Variants in LHFPL6 observed in about 807,000 individuals in gnomAD.
The protein encoded by LHFPL6 is LHFPL tetraspan subfamily member 6 protein.
In LHFPL6, 9 loss-of-function variants were observed where a neutral mutation model predicts 20.6. The observed-to-expected ratio is 0.44, with a 90% CI of 0.26 to 0.76. The LOEUF is 0.76. LHFPL6 is among the 30% of genes least tolerant of loss of function. The probability of loss-of-function intolerance (pLI) is 0.20; values close to 1 mark genes in which losing one functional copy is unlikely to be tolerated. For synonymous variants in LHFPL6, 105 were observed against 98.7 expected, an observed-to-expected ratio of 1.06 and a Z score of -0.38; for missense variants, 218 against 253.5, an observed-to-expected ratio of 0.86 and a Z score of 0.95.
At chr13:39,407,493 G>T (rs1385416882) in intron 2 of LHFPL6, among the ~76,000 whole-genome samples, 1 of 152,138 alleles carries the variant, frequency 6.6e-6, no homozygotes, top group Non-Finnish European at 1.5e-5. Context: ...TGCCAAATGG[G>T]ACATGGGCCA....
At chr13:39,397,379 T>C (rs1870870132) in intron 2 of LHFPL6, among the ~76,000 whole-genome samples, 1 of 152,180 alleles carries the variant, frequency 6.6e-6, no homozygotes, top group Non-Finnish European at 1.5e-5. Flanking sequence ...TCCAGGATCC[T>C]CACTGCTATA....
At chr13:39,374,071 A>AC (rs1411229453) in intron 3 of LHFPL6, among the ~76,000 whole-genome samples, 1 of 152,116 alleles carries the variant, frequency 6.6e-6, no homozygotes, top group Non-Finnish European at 1.5e-5. Context: ...AGATTCATGT[A>AC]CCCCACATGT....
intron 2 of LHFPL6, among the ~76,000 whole-genome samples, chr13:39,441,618 T>G (rs1872136397): frequency 6.6e-6 from 1 of 151,870 alleles, no homozygotes; most frequent in East Asian, 1.9e-4. Flanking sequence ...GCTCAAGTGA[T>G]CCTCCCACCT....
chr13:39,409,369 G>T (rs551304287), intron 2 of LHFPL6, among the ~76,000 whole-genome samples: 1 of 152,010 alleles, frequency 6.6e-6, no homozygotes, highest in Non-Finnish European at 1.5e-5. Context: ...CAGGAGAATC[G>T]CTTGAACCTG....
intron 2 of LHFPL6, among the ~76,000 whole-genome samples, chr13:39,578,767 G>T (rs1872193280): frequency 6.6e-6 from 1 of 152,158 alleles, no homozygotes; most frequent in African/African-American, 2.4e-5. Context: ...GTGGTAGATG[G>T]TGCTCTCCCA....
chr13:39,539,436 A>G (rs1049443196), intron 2 of LHFPL6, among the ~76,000 whole-genome samples: 2 of 152,246 alleles, frequency 1.3e-5, no homozygotes, highest in Non-Finnish European at 1.5e-5. Flanking sequence ...GGAGCTGATT[A>G]GTACTTGAAC....
At chr13:39,513,541 G>A (rs1424842861) in intron 2 of LHFPL6, among the ~76,000 whole-genome samples, 1 of 152,178 alleles carries the variant, frequency 6.6e-6, no homozygotes, top group African/African-American at 2.4e-5. Flanking sequence ...ACATGTTCTA[G>A]AGGGTGCTTA....
intron 2 of LHFPL6, among the ~76,000 whole-genome samples, chr13:39,589,266 C>G (rs919894953): frequency 1.3e-5 from 2 of 152,086 alleles, no homozygotes; most frequent in African/African-American, 4.8e-5. Context: ...GCCACCACAC[C>G]TGGCTAATTT....
chr13:39,352,968 C>A, intron 3 of LHFPL6, among the ~76,000 whole-genome samples: 1 of 85,936 alleles, frequency 1.2e-5, no homozygotes, highest in Non-Finnish European at 2.0e-5. Context: ...CATACACACA[C>A]ACACATATAT....
intron 2 of LHFPL6, among the ~76,000 whole-genome samples, chr13:39,496,245 C>G (rs571887077): frequency 1.3e-5 from 2 of 152,154 alleles, no homozygotes; most frequent in East Asian, 3.9e-4. Flanking sequence ...GTGGTGAGAG[C>G]CTGTCTTCTT....
At chr13:39,480,382 T>C (rs1198921738) in intron 2 of LHFPL6, among the ~76,000 whole-genome samples, 1 of 152,218 alleles carries the variant, frequency 6.6e-6, no homozygotes, top group Non-Finnish European at 1.5e-5. Flanking sequence ...ATATGTATAG[T>C]TCATAGAGAG....
At chr13:39,566,698 A>C (rs964173755) in intron 2 of LHFPL6, among the ~76,000 whole-genome samples, 1 of 140,436 alleles carries the variant, frequency 7.1e-6, no homozygotes, top group Non-Finnish European at 1.5e-5. Flanking sequence ...GCACTACTGC[A>C]TTCCAACCTG....
intron 2 of LHFPL6, among the ~76,000 whole-genome samples, chr13:39,589,851 CCTCT>C (rs1451279333): frequency 2.0e-5 from 3 of 152,118 alleles, no homozygotes; most frequent in Admixed American, 6.5e-5. Flanking sequence ...CCCCAAATGG[CCTCT>C]CTATTACATA....
At chr13:39,479,088 C>CAGA (rs1323457663) in intron 2 of LHFPL6, among the ~76,000 whole-genome samples, 4 of 144,034 alleles carry the variant, frequency 2.8e-5, no homozygotes, top group Non-Finnish European at 6.2e-5. Flanking sequence ...GATAGACAGA[C>CAGA]ATAGGTTGAT....
At chr13:39,468,636 A>T (rs1377450528) in intron 2 of LHFPL6, among the ~76,000 whole-genome samples, 1 of 152,202 alleles carries the variant, frequency 6.6e-6, no homozygotes, top group African/African-American at 2.4e-5. Flanking sequence ...ATCCATCAGG[A>T]TTATTCATAT....
rs1566095627 is a variant in LHFPL6, at chr13:39,369,584, T to TTCCCTCCCTCCC, written c.484+8843_484+8844insGGGAGGGAGGGA. ...ATAGTAGGTTTCCTTCCTTCCTTCC[T>TTCCCTCCCTCCC]TCCTTCCTTCCTTCCTCCCTCTCTC... On this transcript the variant is annotated intron_variant, in intron 3 of 3. Transcript: ENST00000379589. Among the ~76,000 whole-genome samples, 33 of 145,604 alleles carry TTCCCTCCCTCCC rather than the reference T, an allele frequency of 2.3e-4. No individual in the cohort carries two copies. The South Asian group carries it at 6.6e-3, about 29-fold the overall frequency.
chr13:39,433,355 G>C (rs1173384918), intron 2 of LHFPL6, among the ~76,000 whole-genome samples: 1 of 152,072 alleles, frequency 6.6e-6, no homozygotes, highest in Non-Finnish European at 1.5e-5. Flanking sequence ...GCATTTTTTG[G>C]GGATCAAGAG....
chr13:39,379,954 T>C (rs1197638809), intron 2 of LHFPL6, among the ~76,000 whole-genome samples: 2 of 152,218 alleles, frequency 1.3e-5, no homozygotes, highest in Non-Finnish European at 2.9e-5. Context: ...ATATGAATTA[T>C]GTTGAAGCTG....
intron 3 of LHFPL6, among the ~76,000 whole-genome samples, chr13:39,355,453 C>T (rs559131411): frequency 8.7e-4 from 132 of 152,252 alleles, no homozygotes; most frequent in African/African-American, 3.1e-3. Context: ...ACCTAGTACA[C>T]ATATCCTATA....
Sources: allele counts gnomAD v4.1 joint callset (sites outside exome capture counted in the v4.1 genomes callset), GRCh38; gene constraint gnomAD v4.1.1; transcripts MANE v1.5; gene names NCBI Gene and HGNC (gene_info 2026-07-23, HGNC 2026-07-21).